DNAH6: variants seen among roughly 807,000 people sequenced by gnomAD.
DNAH6 encodes dynein axonemal heavy chain 6, also known as axonemal beta dynein heavy chain 6.
DNAH6 carries 340 observed loss-of-function variants against 491.4 expected under a neutral mutation model. The ratio of observed to expected loss-of-function variants is 0.69; its 90% CI spans 0.63 to 0.76. DNAH6 has a LOEUF of 0.76. Ranked by LOEUF, DNAH6 falls within the 30% of genes least tolerant of loss-of-function variation. The pLI is 0.00. For synonymous variants in DNAH6, 1,603 were observed against 1,686.1 expected, an observed-to-expected ratio of 0.95 and a Z score of 1.21; for missense variants, 4,443 against 4,972.2, an observed-to-expected ratio of 0.89 and a Z score of 3.20.
chr2:84,624,411 A>C (rs771973458), intron 27 of DNAH6, 21 bp downstream of exon 27: 2 of 1,549,510 alleles, frequency 1.3e-6, no homozygotes, highest in South Asian at 2.4e-5. Flanking sequence ...CATTTAAGTA[A>C]AATTATATAC....
chr2:84,494,431 A>G, the DNAH6 span, among the ~76,000 whole-genome samples: 1 of 152,224 alleles, frequency 6.6e-6, no homozygotes, highest in African/African-American at 2.4e-5. Flanking sequence ...ATTATGTCAC[A>G]TCACATCGAA....
chr2:84,555,728 C>T (rs1432018454), intron 10 of DNAH6, among the ~76,000 whole-genome samples: 2 of 152,182 alleles, frequency 1.3e-5, no homozygotes, highest in Middle Eastern at 3.2e-3. Context: ...GCTCCTCCCT[C>T]CCTGTCTCCA....
chr2:84,580,232 G>T (rs112436153), intron 14 of DNAH6, among the ~76,000 whole-genome samples: 10,204 of 151,936 alleles, frequency 0.067, 1,115 homozygotes, highest in African/African-American at 0.23. Flanking sequence ...GTGGAGGTGG[G>T]GAGAAAAAAG....
At chr2:84,658,185 TA>T in intron 35 of DNAH6, 106 bp from the exon 36 acceptor site, 3 of 735,140 alleles carry the variant, frequency 4.1e-6, no homozygotes, top group Non-Finnish European at 4.1e-6. Context: ...GCCTTTGGTC[TA>T]AAGGTCACTG....
chr2:84,691,895 G>A (rs753058089), intron 45 of DNAH6, among the ~76,000 whole-genome samples: 12 of 152,164 alleles, frequency 7.9e-5, no homozygotes, highest in Non-Finnish European at 1.5e-4. Flanking sequence ...TGCTGACCCC[G>A]GTTTTAGACA....
rs191109214 is a variant in DNAH6, at chr2:84,742,834, A to C, written c.10343-2246A>C. Among the ~76,000 whole-genome samples, 103 of 152,224 alleles carry C rather than the reference A, an allele frequency of 6.8e-4. 1 individual carries two copies. Among genetic ancestry groups the C allele is most frequent in the Non-Finnish European group, 1.9e-4 (13 of 68,012 alleles). ...TCTTATACTTCTAATATGAATATTTATTTAACTAAGTAAACCCATTAAGTG... is the reference window on the plus strand; with the variant it reads ...TCTTATACTTCTAATATGAATATTTCTTTAACTAAGTAAACCCATTAAGTG... On this transcript the variant is annotated intron_variant, in intron 62 of 76. Coordinates refer to ENST00000389394, the MANE Select transcript of DNAH6 (RefSeq NM_001370.2).
At chr2:84,705,339 C>T (rs973288129) in intron 51 of DNAH6, 147 bp from the exon 52 acceptor site, 2 of 797,290 alleles carry the variant, frequency 2.5e-6, no homozygotes, top group Non-Finnish European at 3.7e-6. Flanking sequence ...TTGTGGTGCA[C>T]CTAACTACCA....
chr2:84,655,022 A>G lies in DNAH6; in HGVS notation c.5757+240A>G, dbSNP rs889011626. Among the ~76,000 whole-genome samples the G allele has an allele frequency of 4.0e-5, 6 of 151,896 alleles. No homozygotes were observed. In the East Asian group the frequency reaches 1.2e-3, roughly 29 times the overall value. On this transcript the variant is annotated intron_variant, in intron 35 of 76. Transcript: ENST00000389394. ...TGCCTACTCACCCTGCCTCCTGCCT[A>G]TTCTGCCTGGCTTCTCCCCAGACTA...
intron 4 of DNAH6, among the ~76,000 whole-genome samples, 194 bp from the exon 5 acceptor site, chr2:84,544,039 A>G (rs1452654237): frequency 6.6e-6 from 1 of 152,170 alleles, no homozygotes; most frequent in Non-Finnish European, 1.5e-5. Context: ...AAATCTTTTT[A>G]ATAAGCACAA....
rs1448454618 is a variant in DNAH6 at position 84,616,996 on chromosome 2, G to A, written c.3572+14G>A. On this transcript the variant is annotated intron_variant, in intron 23 of 76. Transcript: ENST00000389394. Reference sequence around the variant, plus strand: ...TATCTTTCCAAGGTAAGTTTATAAAGCAACCTAAGATATTTTTTAGTAGTT... The same window carrying A: ...TATCTTTCCAAGGTAAGTTTATAAAACAACCTAAGATATTTTTTAGTAGTT... 1.4e-6 allele frequency: 2 copies of A among 1,389,906 alleles called. No individual in the cohort carries two copies. Among genetic ancestry groups the A allele is most frequent in the African/African-American group, 3.0e-5 (2 of 67,154 alleles). The allele number at this position is 1,389,906 out of a possible 1,614,324, so 86.1% of individuals were successfully genotyped here. A position where few individuals can be genotyped will look rare whatever the true frequency, so the allele number is the denominator to read the frequency against.
intron 2 of DNAH6, among the ~76,000 whole-genome samples, chr2:84,521,671 A>G (rs1209902492): frequency 6.6e-6 from 1 of 152,142 alleles, no homozygotes; most frequent in Non-Finnish European, 1.5e-5. Context: ...GAAAGGGTCC[A>G]TTTTTAATCT....
intron 60 of DNAH6, among the ~76,000 whole-genome samples, chr2:84,727,282 A>C (rs1698727043): frequency 6.6e-6 from 1 of 152,106 alleles, no homozygotes; most frequent in Admixed American, 6.5e-5. Context: ...GAGAAAGGGG[A>C]GTGTAGAAAA....
intron 33 of DNAH6, among the ~76,000 whole-genome samples, chr2:84,646,973 G>A (rs1020436290): frequency 1.3e-5 from 2 of 151,898 alleles, no homozygotes; most frequent in African/African-American, 2.4e-5. Flanking sequence ...TCAGCCTCCC[G>A]AGTAGCTGGG....
intron 33 of DNAH6, among the ~76,000 whole-genome samples, chr2:84,652,169 G>A (rs1457980281): frequency 1.3e-5 from 2 of 151,910 alleles, no homozygotes; most frequent in Non-Finnish European, 2.9e-5. Context: ...AGTTTCCTAG[G>A]TCATAGGGTT....
intron 11 of DNAH6, among the ~76,000 whole-genome samples, chr2:84,562,099 A>G (rs1028277039): frequency 2.0e-5 from 3 of 152,198 alleles, no homozygotes; most frequent in South Asian, 2.1e-4. Flanking sequence ...AAGGAGGAGA[A>G]TAAGAGAAAA....
chr2:84,576,619 C>G (rs187282663), intron 12 of DNAH6, among the ~76,000 whole-genome samples: 274 of 152,088 alleles, frequency 1.8e-3, no homozygotes, highest in African/African-American at 6.4e-3. Context: ...AGAGAGAGAG[C>G]TATTTTTGAC....
Position 84,653,653 on chromosome 2 carries a change from G to C in DNAH6, c.5413G>C (p.Val1805Leu). Residue 1805 changes from valine to leucine, a missense_variant, in exon 34 of 77, where the codon GTT (valine) becomes CTT (leucine). By Grantham distance (32) the Val-to-Leu change is conservative. Coordinates refer to ENST00000389394, the MANE Select transcript of DNAH6 (RefSeq NM_001370.2). ...TACCATGGGTGAATTATATGGAGAG[G>C]TTAATAACTTAACCTTGGAATGGAA... ...SITMGELYGE[V>L]NNLTLEWKDG... is the part of the protein sequence containing the mutation. The C allele has an allele frequency of 6.4e-7, 1 of 1,551,236 alleles. No homozygotes were observed. The highest frequency in any genetic ancestry group is 1.4e-5 in the African/African-American group (1 of 73,106).
chr2:84,789,728 G>T (rs1044972068), intron 68 of DNAH6, among the ~76,000 whole-genome samples: 1 of 152,152 alleles, frequency 6.6e-6, no homozygotes, highest in East Asian at 1.9e-4. Context: ...AGAACACTTC[G>T]CCAGAGAGTC....
chr2:84,571,833 G>A (rs1681923097), intron 11 of DNAH6, among the ~76,000 whole-genome samples: 2 of 151,828 alleles, frequency 1.3e-5, no homozygotes, highest in South Asian at 4.2e-4. Context: ...ACGGAGAATT[G>A]CTTGAGCCCG....
Sources: allele counts gnomAD v4.1 joint callset (sites outside exome capture counted in the v4.1 genomes callset), GRCh38; gene constraint gnomAD v4.1.1; transcripts MANE v1.5; gene names NCBI Gene and HGNC (gene_info 2026-07-23, HGNC 2026-07-21).